Variants in BBS4 observed in about 807,000 individuals in gnomAD.
BBS4 encodes the protein BBSome complex member BBS4.
Under a neutral mutation model 71.4 loss-of-function variants are expected in BBS4, and 58 were observed. The observed-to-expected ratio is 0.81, with a 90% CI of 0.66 to 1.01. The LOEUF (loss-of-function observed/expected upper bound fraction) is 1.01, where lower values mean the gene tolerates loss of function less well. Among genes scored for constraint, BBS4 ranks in the 50% least tolerant of loss-of-function variants. BBS4 has a pLI of 0.00. For synonymous variants in BBS4, 228 were observed against 216.8 expected, an observed-to-expected ratio of 1.05 and a Z score of -0.46; for missense variants, 660 against 607.9, an observed-to-expected ratio of 1.09 and a Z score of -0.90.
chr15:72,725,878 CCT>C (rs1196153559), intron 8 of BBS4, among the ~76,000 whole-genome samples: 1 of 2,650 alleles, frequency 3.8e-4, no homozygotes, highest in African/African-American at 1.4e-3. Context: ...TCCCCATCCC[CCT>C]TTCCCCATCC....
At chr15:72,709,628 A>T in intron 2 of BBS4, 72 bp from the exon 3 acceptor site, 2 of 1,072,832 alleles carry the variant, frequency 1.9e-6, no homozygotes, top group Non-Finnish European at 2.9e-6. Flanking sequence ...TGGTTAGTTT[A>T]GACATGAGGA....
chr15:72,691,731 C>T (rs748783672), intron 1 of BBS4, among the ~76,000 whole-genome samples: 6 of 151,952 alleles, frequency 3.9e-5, no homozygotes, highest in African/African-American at 1.4e-4. Context: ...TTTGGGAGGC[C>T]GAGGCTGCGG....
rs750092538 is a variant in BBS4, at chr15:72,727,957, C to T, written c.605C>T (p.Thr202Ile). The T allele has an allele frequency of 8.1e-6, 13 of 1,612,748 alleles. No homozygotes were observed. The highest frequency in any genetic ancestry group is 1.7e-5 in the Admixed American group (1 of 60,020). The part of the protein sequence containing the change: ...KKAVEFSPEN[T>I]ELLTTLGLLY... Reference sequence around the variant, plus strand: ...TGTTGCAGGTTCTCACCAGAAAATACAGAGCTTCTTACAACTTTAGGATTA... The same window carrying T: ...TGTTGCAGGTTCTCACCAGAAAATATAGAGCTTCTTACAACTTTAGGATTA... Residue 202 changes from threonine to isoleucine, a missense_variant, in exon 9 of 16, where the codon ACA (threonine) becomes ATA (isoleucine). Physicochemically the swap from Thr to Ile is moderately conservative, Grantham distance 89 (BLOSUM62 -1). Transcript: ENST00000268057.
At chr15:72,687,046 C>G (rs2064861068) in intron 1 of BBS4, among the ~76,000 whole-genome samples, 1 of 151,110 alleles carries the variant, frequency 6.6e-6, no homozygotes, top group Non-Finnish European at 1.5e-5. Flanking sequence ...TGTTAGAGGG[C>G]CTTTTGTTTG....
At chr15:72,686,744 C>T (rs763688647) in intron 1 of BBS4, 25 of 415,870 alleles carry the variant, frequency 6.0e-5, no homozygotes, top group Non-Finnish European at 3.1e-5. Context: ...GTTGGGCGTT[C>T]ACTCCACAGA....
chr15:72,722,219 C>T (rs1425140528), intron 6 of BBS4, among the ~76,000 whole-genome samples: 1 of 152,204 alleles, frequency 6.6e-6, no homozygotes, highest in African/African-American at 2.4e-5. Flanking sequence ...CAGCTCTAGA[C>T]TTCTGCAGAT....
chr15:72,736,822 A>G lies in BBS4; in HGVS notation c.1309A>G (p.Thr437Ala), dbSNP rs775122250. ...CCAGGTTGGGGAGGCACTGGTCTGG[A>G]CCAAACCAGTTAAAGATCCCAAATC... ...ALQVGEALVW[T>A]KPVKDPKSKH... Residue 437 changes from threonine to alanine, a missense_variant, in exon 15 of 16, where the codon ACC becomes GCC. Physicochemically the swap from Thr to Ala is moderately conservative, Grantham distance 58. Coordinates refer to ENST00000268057, the MANE Select transcript of BBS4 (RefSeq NM_033028.5). The G allele has an allele frequency of 7.4e-5, 119 of 1,614,052 alleles. No individual in the cohort carries two copies. The highest frequency in any genetic ancestry group is 9.9e-5 in the Non-Finnish European group (117 of 1,180,032).
chr15:72,732,002 T>A (rs1431820073), intron 12 of BBS4, among the ~76,000 whole-genome samples: 1 of 152,182 alleles, frequency 6.6e-6, no homozygotes, highest in African/African-American at 2.4e-5. Flanking sequence ...GCCTTGACAA[T>A]TCATTTATGT....
At chr15:72,690,324 C>G (rs1431817281) in intron 1 of BBS4, among the ~76,000 whole-genome samples, 1 of 152,072 alleles carries the variant, frequency 6.6e-6, no homozygotes, top group East Asian at 1.9e-4. Context: ...GAAGAAATAA[C>G]AGAATAAAAT....
intron 6 of BBS4, among the ~76,000 whole-genome samples, chr15:72,719,140 TG>T (rs1262276626): frequency 2.0e-5 from 3 of 151,886 alleles, no homozygotes; most frequent in Non-Finnish European, 2.9e-5. Flanking sequence ...GCATTCTCTA[TG>T]GGGGCCAGGA....
intron 8 of BBS4, 124 bp downstream of exon 8, chr15:72,724,779 G>A: frequency 7.4e-7 from 1 of 1,344,736 alleles, no homozygotes; most frequent in Non-Finnish European, 1.0e-6. Context: ...TAAAGGTTAA[G>A]CTGAAGTTTA....
At position 72,695,242 on chromosome 15, in the gene BBS4, T is replaced by G; in HGVS notation, c.76+14T>G. 6.5e-7 allele frequency: 1 copy of G among 1,540,290 alleles called. No homozygotes were observed. The highest frequency in any genetic ancestry group is 9.0e-7 in the Non-Finnish European group (1 of 1,113,020). ...GGCAGAAAAAAGGTCTGTATGCAGT[T>G]TCATGGTATGTGTATGTTTGCACAG... On this transcript the variant is annotated intron_variant, in intron 2 of 15. Coordinates refer to ENST00000268057, the MANE Select transcript of BBS4 (RefSeq NM_033028.5).
chr15:72,729,773 T>A lies in BBS4; in HGVS notation c.711+89T>A, dbSNP rs2065776403. 7 of 1,118,896 alleles carry A rather than the reference T, an allele frequency of 6.3e-6. No homozygotes were observed. In the Admixed American group the frequency reaches 1.3e-4, roughly 21 times the overall value. 69.3% of individuals were successfully genotyped at this position (1,118,896 alleles called of 1,614,324 possible). A position where few individuals can be genotyped will look rare whatever the true frequency, so the allele number is the denominator to read the frequency against. On this transcript the variant is annotated intron_variant, in intron 10 of 15. Coordinates refer to ENST00000268057, the MANE Select transcript of BBS4 (RefSeq NM_033028.5). ...TGACCCTGGAAAGCAAAGGAATAGC[T>A]TCTTAAATTTGGATACCTGAGAAAT...
chr15:72,732,247 C>T (rs1338125019), intron 12 of BBS4, among the ~76,000 whole-genome samples: 1 of 151,976 alleles, frequency 6.6e-6, no homozygotes, highest in East Asian at 1.9e-4. Flanking sequence ...ATAATTGGCC[C>T]CTAGGTGATA....
chr15:72,735,286 C>A, intron 13 of BBS4, 104 bp downstream of exon 13: 1 of 864,250 alleles, frequency 1.2e-6, no homozygotes, highest in Non-Finnish European at 1.9e-6. Context: ...CCCAGCTGTT[C>A]CTCTATGGCA....
At chr15:72,690,765 T>TA (rs1378345394) in intron 1 of BBS4, among the ~76,000 whole-genome samples, 2 of 152,108 alleles carry the variant, frequency 1.3e-5, no homozygotes, top group Non-Finnish European at 2.9e-5. Context: ...AGTATTTGTT[T>TA]AAAAAAACAG....
chr15:72,693,354 C>G (rs1279779321), intron 1 of BBS4, among the ~76,000 whole-genome samples: 1 of 152,184 alleles, frequency 6.6e-6, no homozygotes, highest in East Asian at 1.9e-4. Context: ...TGGTGAGAAT[C>G]TAAAAACTCT....
intron 8 of BBS4, among the ~76,000 whole-genome samples, chr15:72,726,668 C>T (rs2065708820): frequency 6.6e-6 from 1 of 152,012 alleles, no homozygotes; most frequent in Non-Finnish European, 1.5e-5. Flanking sequence ...CAGAAAAATC[C>T]CTTGGTTTGT....
At chr15:72,722,925 AT>A in intron 7 of BBS4, 78 bp downstream of exon 7, 8 of 1,281,278 alleles carry the variant, frequency 6.2e-6, no homozygotes, top group Non-Finnish European at 9.1e-6. Context: ...ATTTGGTATT[AT>A]CCCTAGTGCT....
Sources: allele counts gnomAD v4.1 joint callset (sites outside exome capture counted in the v4.1 genomes callset), GRCh38; gene constraint gnomAD v4.1.1; transcripts MANE v1.5; gene names NCBI Gene and HGNC (gene_info 2026-07-23, HGNC 2026-07-21).